The following RBP2 variants were observed in gnomAD, a reference collection of about 807,000 sequenced individuals.
RBP2 encodes the protein retinol-binding protein 2.
A neutral mutation model predicts 17.0 loss-of-function variants in RBP2; 17 were observed. The observed-to-expected ratio is 1.00, with a 90% confidence interval of 0.68 to 1.50. The LOEUF is 1.50. Among genes scored for constraint, RBP2 ranks in the 40% most tolerant of loss-of-function variants. RBP2 has a pLI of 0.00. For missense variants in RBP2, 158 were observed against 168.2 expected (o/e 0.94, Z 0.33); for synonymous variants, 48 against 57.1 (o/e 0.84, Z 0.72).
At chr3:139,464,391 G>A (rs1046002555) in intron 1 of RBP2, among the ~76,000 whole-genome samples, 5 of 152,142 alleles carry the variant, frequency 3.3e-5, no homozygotes, top group South Asian at 4.1e-4. Context: ...CCGGGAGGCG[G>A]AGGTTGCAGT....
At chr3:139,464,129 C>G (rs3821545) in intron 1 of RBP2, among the ~76,000 whole-genome samples, 37,579 of 152,062 alleles carry the variant, frequency 0.25, 6,551 homozygotes, top group East Asian at 0.86. Flanking sequence ...TTCCCTTACT[C>G]TCTCCCCATT....
intron 2 of RBP2, among the ~76,000 whole-genome samples, chr3:139,455,180 A>G (rs1183151627): frequency 1.3e-5 from 2 of 152,230 alleles, no homozygotes; most frequent in Admixed American, 1.3e-4. Context: ...GTCAACAGAG[A>G]AACAAAAAAC....
chr3:139,470,340 A>G (rs1257580321), intron 1 of RBP2, among the ~76,000 whole-genome samples: 8 of 152,124 alleles, frequency 5.3e-5, no homozygotes, highest in Admixed American at 1.3e-4. Context: ...CTTTATCTGC[A>G]AAATATATGC....
chr3:139,471,358 A>G (rs1332449168), intron 1 of RBP2, among the ~76,000 whole-genome samples: 1 of 152,248 alleles, frequency 6.6e-6, no homozygotes, highest in Non-Finnish European at 1.5e-5. Flanking sequence ...CAAGACACAT[A>G]TTCGGGGAAT....
chr3:139,473,823 A>G lies in RBP2; in HGVS notation c.73+2564T>C, dbSNP rs1042850317. On this transcript the variant is annotated intron_variant, in intron 1 of 3. Transcript: ENST00000232217. ...GAGAAGGACAAGGGGTCCTACCTCA[A>G]TGGTGATAAGATGACTCTGGGTGAG... Among the ~76,000 whole-genome samples the G allele has an allele frequency of 1.4e-4, 22 of 152,314 alleles. 2 individuals carry two copies. Among genetic ancestry groups the G allele is most frequent in the East Asian group, 1.2e-3 (6 of 5,176 alleles).
chr3:139,473,305 G>T (rs973988859), intron 1 of RBP2, among the ~76,000 whole-genome samples: 4 of 152,204 alleles, frequency 2.6e-5, no homozygotes. Flanking sequence ...TGCTGAGACT[G>T]GTGGCTGAGT....
At chr3:139,467,671 G>T (rs1933410640) in intron 1 of RBP2, among the ~76,000 whole-genome samples, 1 of 152,178 alleles carries the variant, frequency 6.6e-6, no homozygotes, top group South Asian at 2.1e-4. Flanking sequence ...TCCATATGCA[G>T]TGCACATTGC....
rs188538994 is a variant in RBP2 at position 139,465,819 on chromosome 3, C to T, written c.74-3529G>A. On this transcript the variant is annotated intron_variant, in intron 1 of 3. Coordinates refer to ENST00000232217, the MANE Select transcript of RBP2 (RefSeq NM_004164.3). ...AGAGCTGAAGCAATCACACTCCAGCCGGCTACATTATCTGGCAGCTCATTT... is the reference window on the plus strand; with the variant it reads ...AGAGCTGAAGCAATCACACTCCAGCTGGCTACATTATCTGGCAGCTCATTT... Among the ~76,000 whole-genome samples the T allele has an allele frequency of 2.8e-4, 43 of 152,300 alleles. 1 individual carries two copies. Among genetic ancestry groups the T allele is most frequent in the African/African-American group, 9.1e-4 (38 of 41,562 alleles).
chr3:139,463,423 T>C (rs907735013), intron 1 of RBP2, among the ~76,000 whole-genome samples: 7 of 152,150 alleles, frequency 4.6e-5, no homozygotes, highest in Admixed American at 6.5e-5. Context: ...CCTGACCTTG[T>C]GATCTGCCCA....
rs576715931 is a variant in RBP2 at position 139,454,857 on chromosome 3, C to G, written c.253-27G>C. ...TGTAAAGACAGATTCCCAGGCAAATCAAACACATGGTCTTGAGGGACTGAA... is the reference window on the plus strand; with the variant it reads ...TGTAAAGACAGATTCCCAGGCAAATGAAACACATGGTCTTGAGGGACTGAA... On this transcript the variant is annotated intron_variant, in intron 2 of 3. Transcript: ENST00000232217. The G allele has an allele frequency of 1.0e-5, 16 of 1,597,452 alleles. No individual in the cohort carries two copies. In the African/African-American group the frequency reaches 1.2e-4, roughly 12 times the overall value.
At chr3:139,465,521 C>T (rs1208431704) in intron 1 of RBP2, among the ~76,000 whole-genome samples, 1 of 152,192 alleles carries the variant, frequency 6.6e-6, no homozygotes, top group Non-Finnish European at 1.5e-5. Flanking sequence ...CGAGATGGTA[C>T]TTGAACTTAG....
At chr3:139,458,641 C>T (rs1294420778) in intron 2 of RBP2, among the ~76,000 whole-genome samples, 1 of 152,190 alleles carries the variant, frequency 6.6e-6, no homozygotes, top group East Asian at 1.9e-4. Flanking sequence ...TCCCCTGTCT[C>T]TGGGCAACCA....
chr3:139,469,732 T>TCTATCTATCTAC (rs1186144730), intron 1 of RBP2, among the ~76,000 whole-genome samples: 3 of 150,164 alleles, frequency 2.0e-5, no homozygotes, highest in Non-Finnish European at 4.4e-5. Flanking sequence ...TATCTATCTA[T>TCTATCTATCTAC]CTACCTACTC....
chr3:139,475,378 A>G (rs945286641), intron 1 of RBP2, among the ~76,000 whole-genome samples: 22 of 151,722 alleles, frequency 1.5e-4, no homozygotes, highest in Non-Finnish European at 2.4e-4. Flanking sequence ...AGTTCCACAA[A>G]TATGGAACAT....
chr3:139,455,423 A>C (rs953006052), intron 2 of RBP2, among the ~76,000 whole-genome samples: 2 of 152,188 alleles, frequency 1.3e-5, no homozygotes, highest in African/African-American at 4.8e-5. Flanking sequence ...TTTCAGATAC[A>C]ATTCATCATA....
chr3:139,458,076 G>A (rs531651002), intron 2 of RBP2, among the ~76,000 whole-genome samples: 2 of 152,298 alleles, frequency 1.3e-5, no homozygotes, highest in South Asian at 4.1e-4. Flanking sequence ...TAGAGAGAAA[G>A]CATGTGCACA....
chr3:139,469,336 C>A (rs1380443548), intron 1 of RBP2, among the ~76,000 whole-genome samples: 1 of 152,130 alleles, frequency 6.6e-6, no homozygotes, highest in Non-Finnish European at 1.5e-5. Flanking sequence ...CTTCTAGGCA[C>A]CGGGGGCAGG....
intron 1 of RBP2, among the ~76,000 whole-genome samples, chr3:139,463,439 G>A (rs1465846575): frequency 6.6e-6 from 1 of 152,138 alleles, no homozygotes; most frequent in African/African-American, 2.4e-5. Flanking sequence ...GCCCACCTCG[G>A]CCTCCCAAAA....
chr3:139,460,911 A>C (rs1047755357), intron 2 of RBP2, among the ~76,000 whole-genome samples: 2 of 152,222 alleles, frequency 1.3e-5, no homozygotes, highest in African/African-American at 4.8e-5. Context: ...CTTGTATAAA[A>C]TGCATGGGCA....
Sources: gnomAD v4.1 joint callset for allele counts (sites outside exome capture counted in the v4.1 genomes callset) on GRCh38, gnomAD v4.1.1 for gene constraint, MANE v1.5 for transcripts, NCBI Gene and HGNC (gene_info 2026-07-23, HGNC 2026-07-21) for gene names.